KALRN: variants seen among roughly 807,000 people sequenced by gnomAD.
KALRN encodes kalirin RhoGEF kinase.
In KALRN, 70 loss-of-function variants were observed where a neutral mutation model predicts 353.7. That is an observed-to-expected ratio of 0.20 (90% CI 0.16 to 0.24). The LOEUF is 0.24. KALRN is among the 10% of genes least tolerant of loss of function. The pLI, the probability that KALRN is intolerant of heterozygous loss-of-function variation, is 1.00. For missense variants in KALRN, 2,791 were observed against 3,756.7 expected (o/e 0.74, Z 6.72); for synonymous variants, 1,391 against 1,434.8 (o/e 0.97, Z 0.69).
chr3:124,065,566 T>G (rs1299591121), intron 1 of KALRN, among the ~76,000 whole-genome samples: 2 of 148,304 alleles, frequency 1.3e-5, no homozygotes, highest in African/African-American at 5.0e-5. Context: ...AATTGTTAAA[T>G]CTAGGTTATG....
intron 3 of KALRN, among the ~76,000 whole-genome samples, chr3:124,260,903 C>T (rs145241169): frequency 4.1e-4 from 63 of 152,230 alleles, no homozygotes; most frequent in African/African-American, 1.3e-3. Flanking sequence ...GACTCCTTGC[C>T]CTAATTTATC....
Position 124,632,620 on chromosome 3 carries a change from G to C in KALRN, c.5383G>C (p.Val1795Leu). 6.2e-7 allele frequency: 1 copy of C among 1,614,172 alleles called. No individual in the cohort carries two copies. The highest frequency in any genetic ancestry group is 8.5e-7 in the Non-Finnish European group (1 of 1,180,038). ...ADGNIKKQKK[V>L]RDGRKSFDLG... Reference sequence around the variant, plus strand: ...TGGAAACATCAAAAAGCAGAAGAAAGTTCGCGATGGTCGGAAGAGCTTTGA... The same window carrying C: ...TGGAAACATCAAAAAGCAGAAGAAACTTCGCGATGGTCGGAAGAGCTTTGA... The change falls in exon 35 of 60, where the codon GTT becomes CTT. Residue 1795 changes from valine to leucine, a missense_variant. Transcript: ENST00000682506.
chr3:124,123,766 T>C (rs1486443190), intron 1 of KALRN, among the ~76,000 whole-genome samples: 5 of 152,194 alleles, frequency 3.3e-5, no homozygotes, highest in Non-Finnish European at 7.3e-5. Flanking sequence ...TTGAACCCAA[T>C]GCTCATTTAC....
intron 10 of KALRN, among the ~76,000 whole-genome samples, chr3:124,383,359 T>C (rs1485233703): frequency 6.6e-6 from 1 of 152,210 alleles, no homozygotes; most frequent in African/African-American, 2.4e-5. Flanking sequence ...CAACAATTTG[T>C]TTTCTCACAG....
Position 124,384,834 on chromosome 3 carries a change from G to A in KALRN, c.1771-11G>A. 3.8e-6 allele frequency: 6 copies of A among 1,571,018 alleles called. No individual in the cohort carries two copies. Among genetic ancestry groups the A allele is most frequent in the Non-Finnish European group, 5.2e-6 (6 of 1,152,490 alleles). ...TGCAACTTGACTTTGCCTCACTGTTGTTGCTGGCAGAATACGTACACCAAT... is the reference window on the plus strand; with the variant it reads ...TGCAACTTGACTTTGCCTCACTGTTATTGCTGGCAGAATACGTACACCAAT... On this transcript the variant is annotated splice_polypyrimidine_tract_variant and intron_variant, in intron 10 of 59. Transcript: ENST00000682506.
intron 28 of KALRN, among the ~76,000 whole-genome samples, chr3:124,487,029 G>A (rs915740168): frequency 2.0e-5 from 3 of 152,100 alleles, no homozygotes; most frequent in African/African-American, 4.8e-5. Context: ...TGTCATTAAC[G>A]TGTTTACAAG....
Position 124,495,965 on chromosome 3 carries a change from G to GTGTATATATATA in KALRN, c.4833-345_4833-344insGTATATATATAT, listed in dbSNP as rs1239001137. ...CCCAAGTGTGTGTATGTGTATGTATGTATATATATATATATATATATATAT... is the reference window on the plus strand; with the variant it reads ...CCCAAGTGTGTGTATGTGTATGTATGTGTATATATATATATATATATATATATATATATATAT... On this transcript the variant is annotated intron_variant, in intron 32 of 59. Coordinates refer to ENST00000682506, the MANE Select transcript of KALRN (RefSeq NM_001388419.1). 2.3e-3 allele frequency among the ~76,000 whole-genome samples: 96 copies of GTGTATATATATA among 41,456 alleles called. 2 individuals are homozygous for GTGTATATATATA. The highest frequency in any genetic ancestry group is 2.6e-3 in the Non-Finnish European group (67 of 25,538). The allele number at this position is 41,456 out of a possible 152,430, so 27.2% of individuals were successfully genotyped here.
chr3:124,099,226 T>A (rs1025214891), intron 1 of KALRN: 2 of 152,236 alleles, frequency 1.3e-5, no homozygotes, highest in African/African-American at 2.4e-5. Context: ...TCTATATGTT[T>A]GTACCCATTC....
chr3:124,657,581 G>C (rs1429986084), intron 40 of KALRN, 30 bp downstream of exon 40: 1 of 1,559,198 alleles, frequency 6.4e-7, no homozygotes. Flanking sequence ...CGAGGATCCA[G>C]TGTCCTGGGA....
intron 37 of KALRN, among the ~76,000 whole-genome samples, chr3:124,645,674 G>GTT (rs745445340): frequency 6.6e-6 from 1 of 151,748 alleles, no homozygotes; most frequent in East Asian, 1.9e-4. Context: ...GTGTGTGTGT[G>GTT]TGTGTATCAC....
At chr3:124,298,726 T>C in intron 5 of KALRN, 65 bp from the exon 6 acceptor site, 1 of 1,591,404 alleles carries the variant, frequency 6.3e-7, no homozygotes. Flanking sequence ...CCACTAGCTC[T>C]GAAAGTTTTG....
rs1356921000 is a variant in KALRN at position 124,347,274 on chromosome 3, C to G, written c.1770+9C>G. The G allele has an allele frequency of 2.6e-6, 3 of 1,153,836 alleles. No individual in the cohort carries two copies. Among genetic ancestry groups the G allele is most frequent in the South Asian group, 1.4e-5 (1 of 69,798 alleles). The allele number at this position is 1,153,836 out of a possible 1,614,324, so 71.5% of individuals were successfully genotyped here. On this transcript the variant is annotated intron_variant, in intron 10 of 59. Coordinates refer to ENST00000682506, the MANE Select transcript of KALRN (RefSeq NM_001388419.1). Reference sequence around the variant, plus strand: ...TTGAAGAGGTGGCTCAGGTGAGAAGCTGTGTGTGTGTGTGTGTGTGTGTGT... The same window carrying G: ...TTGAAGAGGTGGCTCAGGTGAGAAGGTGTGTGTGTGTGTGTGTGTGTGTGT...
intron 1 of KALRN, among the ~76,000 whole-genome samples, chr3:124,216,440 T>C (rs1281572415): frequency 6.6e-6 from 1 of 152,210 alleles, no homozygotes; most frequent in Non-Finnish European, 1.5e-5. Flanking sequence ...CAACTGGACT[T>C]AAAGATTGTC....
intron 33 of KALRN, among the ~76,000 whole-genome samples, chr3:124,542,881 A>G (rs973613890): frequency 3.3e-5 from 5 of 152,234 alleles, no homozygotes; most frequent in African/African-American, 1.2e-4. Context: ...TGGGTCAGAA[A>G]TCCAAGATTG....
At chr3:124,424,692 G>C (rs1053704072) in intron 15 of KALRN, among the ~76,000 whole-genome samples, 3 of 152,186 alleles carry the variant, frequency 2.0e-5, no homozygotes, top group African/African-American at 4.8e-5. Context: ...TAAGGACTTG[G>C]TGGAAATCCT....
chr3:124,326,292 T>G (rs954539345), intron 7 of KALRN, 121 bp downstream of exon 7: 2 of 673,968 alleles, frequency 3.0e-6, no homozygotes, highest in Non-Finnish European at 4.6e-6. Context: ...TTTGAAACAC[T>G]GAAGACCCTG....
chr3:124,318,937 A>AATGAG (rs373895316), intron 6 of KALRN, among the ~76,000 whole-genome samples: 1 of 152,242 alleles, frequency 6.6e-6, no homozygotes, highest in African/African-American at 2.4e-5. Context: ...CTAACTGTAA[A>AATGAG]ATGAGATTGT....
chr3:124,463,187 A>T (rs2060009649), intron 25 of KALRN, among the ~76,000 whole-genome samples: 1 of 152,244 alleles, frequency 6.6e-6, no homozygotes, highest in Non-Finnish European at 1.5e-5. Context: ...TTCCCACACC[A>T]TACAAAACAG....
At chr3:124,335,790 C>G (rs1048509320) in intron 9 of KALRN, among the ~76,000 whole-genome samples, 4 of 152,188 alleles carry the variant, frequency 2.6e-5, no homozygotes, top group Admixed American at 2.6e-4. Context: ...TAACAATTCA[C>G]TCTCCTTTCA....
Sources: allele counts gnomAD v4.1 joint callset (sites outside exome capture counted in the v4.1 genomes callset), GRCh38; gene constraint gnomAD v4.1.1; transcripts MANE v1.5; gene names NCBI Gene and HGNC (gene_info 2026-07-23, HGNC 2026-07-21).